ATRNL1: variants seen among roughly 807,000 people sequenced by gnomAD.
The protein encoded by ATRNL1 is attractin-like protein 1.
A neutral mutation model predicts 182.7 loss-of-function variants in ATRNL1; 95 were observed. The ratio of observed to expected loss-of-function variants is 0.52; its 90% CI spans 0.44 to 0.62. The LOEUF is 0.62. Among genes scored for constraint, ATRNL1 ranks in the 20% least tolerant of loss-of-function variants. ATRNL1 has a pLI of 0.00. For synonymous variants in ATRNL1, 576 were observed against 568.3 expected, an observed-to-expected ratio of 1.01 and a Z score of -0.19; for missense variants, 1,471 against 1,679.5, an observed-to-expected ratio of 0.88 and a Z score of 2.17.
intron 26 of ATRNL1, among the ~76,000 whole-genome samples, chr10:115,601,339 G>GA (rs1555015875): frequency 1.3e-5 from 2 of 152,192 alleles, no homozygotes; most frequent in South Asian, 2.1e-4. Context: ...ATATATGTTA[G>GA]AAAAAATCGT....
At chr10:115,403,258 T>A (rs1007533765) in intron 20 of ATRNL1, among the ~76,000 whole-genome samples, 1 of 26,136 alleles carries the variant, frequency 3.8e-5, no homozygotes. Flanking sequence ...TACTCTCATC[T>A]TTTTTTTTTT....
At chr10:115,497,390 A>C (rs975696852) in intron 24 of ATRNL1, among the ~76,000 whole-genome samples, 3 of 152,200 alleles carry the variant, frequency 2.0e-5, no homozygotes. Flanking sequence ...ATGTGAGTCC[A>C]TGGGGACTAT....
intron 17 of ATRNL1, among the ~76,000 whole-genome samples, chr10:115,307,289 G>A (rs1853781544): frequency 6.6e-6 from 1 of 152,064 alleles, no homozygotes; most frequent in Admixed American, 6.5e-5. Context: ...TTGAGACAGA[G>A]TCTCGCTCTG....
intron 22 of ATRNL1, among the ~76,000 whole-genome samples, chr10:115,466,057 G>A (rs1848038751): frequency 1.3e-5 from 2 of 151,410 alleles, no homozygotes; most frequent in South Asian, 4.1e-4. Flanking sequence ...TCATCCAGCA[G>A]CCTTTGCTTT....
chr10:115,467,932 C>G (rs906644584), intron 23 of ATRNL1, among the ~76,000 whole-genome samples: 16 of 150,326 alleles, frequency 1.1e-4, no homozygotes, highest in Non-Finnish European at 1.8e-4. Context: ...CATAAATGTG[C>G]TGGAAATTGT....
chr10:115,525,436 A>C (rs569598702), intron 25 of ATRNL1, among the ~76,000 whole-genome samples: 1 of 152,132 alleles, frequency 6.6e-6, no homozygotes, highest in South Asian at 2.1e-4. Flanking sequence ...CCCTGTGACT[A>C]TCTCTCGTAT....
At chr10:115,373,794 A>G (rs1470173039) in intron 19 of ATRNL1, among the ~76,000 whole-genome samples, 1 of 151,540 alleles carries the variant, frequency 6.6e-6, no homozygotes, top group Non-Finnish European at 1.5e-5. Context: ...GATTTTTTTC[A>G]TCTATGTTTA....
At chr10:115,679,578 C>G (rs1289642590) in intron 26 of ATRNL1, among the ~76,000 whole-genome samples, 2 of 152,066 alleles carry the variant, frequency 1.3e-5, no homozygotes, top group Non-Finnish European at 2.9e-5. Flanking sequence ...GATCTCTACC[C>G]TGAGTCATTT....
rs565342514 is a variant in ATRNL1, at chr10:115,727,176, G to A, written c.3796-72G>A. 13 of 1,030,842 alleles carry A rather than the reference G, an allele frequency of 1.3e-5. No homozygotes were observed. In the South Asian group the frequency reaches 1.7e-4, roughly 14 times the overall value. The allele number at this position is 1,030,842 out of a possible 1,614,324, so 63.9% of individuals were successfully genotyped here. A position where few individuals can be genotyped will look rare whatever the true frequency, so the allele number is the denominator to read the frequency against. ...TTTTCAATGCCATTTGTTAAAAGAG[G>A]GAACCAGATATTGTTGAATTTCATG... On this transcript the variant is annotated intron_variant, in intron 26 of 28. Coordinates refer to ENST00000355044, the MANE Select transcript of ATRNL1 (RefSeq NM_207303.4).
intron 27 of ATRNL1, among the ~76,000 whole-genome samples, chr10:115,730,646 G>A (rs1947769145): frequency 6.7e-6 from 1 of 149,976 alleles, no homozygotes; most frequent in Admixed American, 6.6e-5. Flanking sequence ...GTTGAGGCGG[G>A]AAGAAGTGAA....
intron 26 of ATRNL1, among the ~76,000 whole-genome samples, chr10:115,674,784 A>G (rs2133936401): frequency 6.6e-6 from 1 of 152,224 alleles, no homozygotes; most frequent in Admixed American, 6.5e-5. Flanking sequence ...CACTTTTCTA[A>G]AAAAATGGAC....
chr10:115,697,968 T>C (rs1271634755), intron 26 of ATRNL1, among the ~76,000 whole-genome samples: 1 of 152,180 alleles, frequency 6.6e-6, no homozygotes, highest in Non-Finnish European at 1.5e-5. Flanking sequence ...CACTTTTCCC[T>C]TTTGAAACAC....
chr10:115,501,918 G>A (rs1554980189), intron 24 of ATRNL1, among the ~76,000 whole-genome samples: 1 of 151,980 alleles, frequency 6.6e-6, no homozygotes, highest in Non-Finnish European at 1.5e-5. Context: ...AAAGTTATCA[G>A]AGATTGCATT....
intron 26 of ATRNL1, among the ~76,000 whole-genome samples, chr10:115,674,927 T>C (rs1945813537): frequency 6.6e-6 from 1 of 152,130 alleles, no homozygotes; most frequent in Non-Finnish European, 1.5e-5. Context: ...ATGAAATATG[T>C]CATGACTGTA....
intron 26 of ATRNL1, among the ~76,000 whole-genome samples, chr10:115,558,059 AAAAAAC>A (rs1168011265): frequency 8.4e-5 from 7 of 82,908 alleles, no homozygotes; most frequent in African/African-American, 2.7e-4. Context: ...CAAAAAAACA[AAAAAAC>A]AAAAAAAAAA....
chr10:115,348,042 C>G (rs1005859641), intron 19 of ATRNL1, among the ~76,000 whole-genome samples: 1 of 152,268 alleles, frequency 6.6e-6, no homozygotes, highest in Non-Finnish European at 1.5e-5. Flanking sequence ...GGTATGATCT[C>G]AGTTCACTGC....
At chr10:115,574,091 T>C (rs534391733) in intron 26 of ATRNL1, among the ~76,000 whole-genome samples, 1 of 152,178 alleles carries the variant, frequency 6.6e-6, no homozygotes, top group East Asian at 1.9e-4. Flanking sequence ...ATCATGATTC[T>C]GTTTGTCTTA....
At chr10:115,320,839 T>C (rs1854545984) in intron 18 of ATRNL1, among the ~76,000 whole-genome samples, 2 of 152,150 alleles carry the variant, frequency 1.3e-5, no homozygotes, top group Non-Finnish European at 2.9e-5. Context: ...AGCGTAGTTT[T>C]TTATTACCCA....
chr10:115,626,235 G>A (rs1858092030), intron 26 of ATRNL1, among the ~76,000 whole-genome samples: 1 of 152,128 alleles, frequency 6.6e-6, no homozygotes, highest in African/African-American at 2.4e-5. Context: ...GTCAGATAAA[G>A]CATTTGTTTT....
Sources: allele counts gnomAD v4.1 joint callset (sites outside exome capture counted in the v4.1 genomes callset), GRCh38; gene constraint gnomAD v4.1.1; transcripts MANE v1.5; gene names NCBI Gene and HGNC (gene_info 2026-07-23, HGNC 2026-07-21).